Variants in GMEB1 observed in about 807,000 individuals in gnomAD.
GMEB1 encodes glucocorticoid modulatory element binding protein 1, also known as glucocorticoid modulatory element-binding protein 1.
In GMEB1, 6 loss-of-function variants were observed where a neutral mutation model predicts 52.4. The observed-to-expected ratio is 0.11, with a 90% CI of 0.06 to 0.23. The LOEUF is 0.23. Among genes scored for constraint, GMEB1 ranks in the 10% least tolerant of loss-of-function variants. GMEB1 has a pLI of 1.00. For synonymous variants in GMEB1, 255 were observed against 244.9 expected (o/e 1.04, Z -0.38); for missense variants, 486 against 685.6 (o/e 0.71, Z 3.25).
chr1:28,682,867 C>G (rs2124478977), intron 1 of GMEB1, among the ~76,000 whole-genome samples: 1 of 152,228 alleles, frequency 6.6e-6, no homozygotes, highest in South Asian at 2.1e-4. Context: ...TACAAACCAA[C>G]TCTCTGGAAA....
At chr1:28,694,669 CAT>C (rs1670116446) in intron 5 of GMEB1, among the ~76,000 whole-genome samples, 1 of 151,406 alleles carries the variant, frequency 6.6e-6, no homozygotes, top group Non-Finnish European at 1.5e-5. Flanking sequence ...ATTTTCTTAA[CAT>C]AGGTTTTTTT....
chr1:28,678,694 C>G (rs542004463), intron 1 of GMEB1, among the ~76,000 whole-genome samples: 1 of 152,170 alleles, frequency 6.6e-6, no homozygotes, highest in African/African-American at 2.4e-5. Flanking sequence ...TCTTGGCTCA[C>G]TGCAACCTCT....
At chr1:28,713,536 T>C (rs1002663349) in intron 9 of GMEB1, among the ~76,000 whole-genome samples, 2 of 152,210 alleles carry the variant, frequency 1.3e-5, no homozygotes, top group African/African-American at 4.8e-5. Context: ...TTTGAGCTCT[T>C]AAGACCTCTT....
At chr1:28,668,942 G>C (rs1004629120) in intron 1 of GMEB1, 103 bp downstream of exon 1, 2 of 145,118 alleles carry the variant, frequency 1.4e-5, no homozygotes, top group Non-Finnish European at 1.5e-5. Flanking sequence ...CGGGCGCGCA[G>C]GGGGCGGGGG....
intron 6 of GMEB1, among the ~76,000 whole-genome samples, chr1:28,699,767 C>T (rs1180185758): frequency 1.4e-4 from 21 of 149,954 alleles, no homozygotes; most frequent in African/African-American, 4.2e-4. Flanking sequence ...CCTTGTCTTA[C>T]GGTGCTGAAA....
chr1:28,713,420 G>C (rs1472853848), intron 9 of GMEB1, among the ~76,000 whole-genome samples: 1 of 152,148 alleles, frequency 6.6e-6, no homozygotes, highest in Non-Finnish European at 1.5e-5. Context: ...ATAGTGATAG[G>C]CGTACTATAA....
chr1:28,678,190 A>G (rs1669239370), intron 1 of GMEB1, among the ~76,000 whole-genome samples: 1 of 143,722 alleles, frequency 7.0e-6, no homozygotes, highest in African/African-American at 2.6e-5. Flanking sequence ...ACTTCGTCTC[A>G]AAAAAAAAAA....
chr1:28,673,911 G>A (rs1669015590), intron 1 of GMEB1, among the ~76,000 whole-genome samples: 1 of 151,982 alleles, frequency 6.6e-6, no homozygotes. Context: ...ACTTTGGGAG[G>A]CCGTGGTGGG....
At chr1:28,698,134 C>T (rs547868257) in intron 6 of GMEB1, among the ~76,000 whole-genome samples, 70 of 151,354 alleles carry the variant, frequency 4.6e-4, no homozygotes, top group Non-Finnish European at 8.0e-4. Flanking sequence ...AGTGAGACTC[C>T]GTCTCAAAAA....
At chr1:28,708,462 C>A (rs1670886095) in intron 8 of GMEB1, among the ~76,000 whole-genome samples, 1 of 151,344 alleles carries the variant, frequency 6.6e-6, no homozygotes, top group Admixed American at 6.6e-5. Context: ...CCGTGCCTGG[C>A]CCAATTTTGT....
chr1:28,683,713 T>C lies in GMEB1; in HGVS notation c.101T>C (p.Ile34Thr), dbSNP rs1188444351. 6.2e-7 allele frequency: 1 copy of C among 1,611,720 alleles called. No homozygotes were observed. The highest frequency in any genetic ancestry group is 8.5e-7 in the Non-Finnish European group (1 of 1,179,172). Reference sequence around the variant, plus strand: ...CCTGAAGACACTAAAACCCAAGTGATTTTGCAGTTACAGCCTGTGCAACAA... The same window carrying C: ...CCTGAAGACACTAAAACCCAAGTGACTTTGCAGTTACAGCCTGTGCAACAA... Reference protein sequence around the residue: ...ENPEDTKTQVILQLQPVQQGI... With the variant: ...ENPEDTKTQVTLQLQPVQQGI... The change falls in exon 2 of 10, where the codon ATT becomes ACT. Residue 34 changes from isoleucine to threonine, a missense_variant. Around this residue, in one of 5 missense-constraint regions of GMEB1, gnomAD observed 88 missense variants for 96.5 expected, o/e 0.91. Transcript: ENST00000373816.
chr1:28,715,450 A>C lies in GMEB1; in HGVS notation c.*677A>C, dbSNP rs1433131267. On this transcript the variant is annotated 3_prime_UTR_variant, in exon 10 of 10. Transcript: ENST00000373816. ...CGTATCTACTAAAAATACGAAAAAA[A>C]AATTAGCCGGGTGTGGTGGCGGGAG... 1 of 151,702 alleles carries C rather than the reference A, an allele frequency of 6.6e-6. No individual in the cohort carries two copies. Among genetic ancestry groups the C allele is most frequent in the Non-Finnish European group, 1.5e-5 (1 of 68,006 alleles). 9.4% of individuals were successfully genotyped at this position (151,702 alleles called of 1,614,324 possible).
At chr1:28,713,364 A>G (rs1329005661) in intron 9 of GMEB1, among the ~76,000 whole-genome samples, 1 of 152,194 alleles carries the variant, frequency 6.6e-6, no homozygotes, top group Non-Finnish European at 1.5e-5. Flanking sequence ...GTAGAAGCCA[A>G]CTTACCAGTG....
At chr1:28,710,044 G>A (rs1394538645) in intron 8 of GMEB1, among the ~76,000 whole-genome samples, 1 of 152,072 alleles carries the variant, frequency 6.6e-6, no homozygotes, top group South Asian at 2.1e-4. Flanking sequence ...CTACTCGGGA[G>A]GCTGAGGCAG....
rs181757376 is a variant in GMEB1, at chr1:28,692,400, T to C, written c.337-542T>C. Among the ~76,000 whole-genome samples the C allele has an allele frequency of 3.3e-3, 505 of 151,988 alleles. 3 individuals are homozygous for C. Among genetic ancestry groups the C allele is most frequent in the African/African-American group, 0.012 (488 of 41,458 alleles). ...TACAAAAATTAGCTGGACGTGGTAT[T>C]GGGCGCCTATAATTCCAGCTACTCC... On this transcript the variant is annotated intron_variant, in intron 4 of 9. Coordinates refer to ENST00000373816, the MANE Select transcript of GMEB1 (RefSeq NM_001319674.2).
chr1:28,683,758 TG>T lies in GMEB1; in HGVS notation c.128+21del, dbSNP rs1434139279. 2 of 1,611,506 alleles carry T rather than the reference TG, an allele frequency of 1.2e-6. No homozygotes were observed. Among genetic ancestry groups the T allele is most frequent in the Non-Finnish European group, 1.7e-6 (2 of 1,179,088 alleles). On this transcript the variant is annotated intron_variant, in intron 2 of 9. Coordinates refer to ENST00000373816, the MANE Select transcript of GMEB1 (RefSeq NM_001319674.2). ...CAACAAGGGTAAGTGGCTAGAGATTTGGGTATTCTGAAGTATTTTGGGAAGC... is the reference window on the plus strand; with the variant it reads ...CAACAAGGGTAAGTGGCTAGAGATTTGGTATTCTGAAGTATTTTGGGAAGC...
chr1:28,697,891 G>A (rs1051560483), intron 6 of GMEB1, among the ~76,000 whole-genome samples: 1 of 152,128 alleles, frequency 6.6e-6, no homozygotes, highest in Non-Finnish European at 1.5e-5. Flanking sequence ...TGTAATCCCA[G>A]CACTTTGGGA....
chr1:28,671,085 A>G (rs1570370518), intron 1 of GMEB1, among the ~76,000 whole-genome samples: 2 of 152,218 alleles, frequency 1.3e-5, no homozygotes, highest in East Asian at 3.9e-4. Flanking sequence ...TACTTCCCTC[A>G]GTGTTTCTGC....
chr1:28,698,274 C>T (rs113691789), intron 6 of GMEB1, among the ~76,000 whole-genome samples: 7,110 of 151,460 alleles, frequency 0.047, 523 homozygotes, highest in African/African-American at 0.16. Flanking sequence ...GAGGCTGAGG[C>T]GGGAGAATTG....
Sources: gnomAD v4.1 joint callset for allele counts (sites outside exome capture counted in the v4.1 genomes callset) on GRCh38, gnomAD v4.1.1 for gene constraint, gnomAD v4.1.1 regional missense constraint, MANE v1.5 for transcripts, NCBI Gene and HGNC (gene_info 2026-07-23, HGNC 2026-07-21) for gene names.